Variants in PCDH15 observed in about 807,000 individuals in gnomAD.
The protein encoded by PCDH15 is protocadherin-15.
PCDH15 carries 129 observed loss-of-function variants against 178.5 expected under a neutral mutation model. That is an observed-to-expected ratio of 0.72 (90% CI 0.63 to 0.84). The LOEUF is 0.84. Among genes scored for constraint, PCDH15 ranks in the 40% least tolerant of loss-of-function variants. The pLI is 0.00. For missense variants in PCDH15, 2,230 were observed against 2,099.9 expected (o/e 1.06, Z -1.21); for synonymous variants, 800 against 732.0 (o/e 1.09, Z -1.50).
intron 3 of PCDH15, among the ~76,000 whole-genome samples, chr10:54,442,426 A>AT (rs2075863935): frequency 1.0e-5 from 1 of 99,752 alleles, no homozygotes; most frequent in Non-Finnish European, 1.9e-5. Context: ...ATATATATAT[A>AT]TATATATATA....
At chr10:55,552,109 T>C (rs1051037817) in intron 2 of PCDH15, among the ~76,000 whole-genome samples, 2 of 151,784 alleles carry the variant, frequency 1.3e-5, no homozygotes, top group Admixed American at 6.6e-5. Context: ...TCATACTGCG[T>C]AGTCAGACTT....
At chr10:54,471,671 A>G (rs528709013) in intron 3 of PCDH15, among the ~76,000 whole-genome samples, 1 of 151,824 alleles carries the variant, frequency 6.6e-6, no homozygotes, top group South Asian at 2.1e-4. Context: ...TTACTATAGA[A>G]TATAGTTTCC....
At chr10:54,281,762 TAATA>T (rs1265011288) in intron 8 of PCDH15, among the ~76,000 whole-genome samples, 2 of 152,008 alleles carry the variant, frequency 1.3e-5, no homozygotes, top group African/African-American at 4.8e-5. Flanking sequence ...TAAAAGAGAC[TAATA>T]AATATGAAAT....
intron 1 of PCDH15, among the ~76,000 whole-genome samples, chr10:54,779,392 C>CCA (rs1566220178): frequency 1.1e-5 from 1 of 94,992 alleles, no homozygotes; most frequent in East Asian, 3.8e-4. Context: ...GTCTCTCTCT[C>CCA]TCTATATATA....
intron 26 of PCDH15, among the ~76,000 whole-genome samples, chr10:53,901,832 A>C (rs1480342624): frequency 6.6e-6 from 1 of 152,178 alleles, no homozygotes; most frequent in Non-Finnish European, 1.5e-5. Flanking sequence ...TCCAAAAAGA[A>C]CTATCTTAAC....
At chr10:53,904,650 T>C (rs545733854) in intron 25 of PCDH15, among the ~76,000 whole-genome samples, 3 of 152,198 alleles carry the variant, frequency 2.0e-5, no homozygotes, top group South Asian at 2.1e-4. Context: ...AACAGCGAAA[T>C]AGGGCTAATA....
chr10:54,390,811 C>A (rs1453466376), intron 3 of PCDH15, among the ~76,000 whole-genome samples: 1 of 152,094 alleles, frequency 6.6e-6, no homozygotes, highest in Non-Finnish European at 1.5e-5. Flanking sequence ...GTGAGAGGGT[C>A]TATGTTCACT....
At chr10:53,813,445 A>C (rs547823304) in intron 35 of PCDH15, among the ~76,000 whole-genome samples, 1 of 152,328 alleles carries the variant, frequency 6.6e-6, no homozygotes, top group African/African-American at 2.4e-5. Flanking sequence ...ATTTAGACAA[A>C]CCCACGATGA....
At chr10:54,591,039 T>C (rs2091853950) in intron 2 of PCDH15, among the ~76,000 whole-genome samples, 1 of 152,150 alleles carries the variant, frequency 6.6e-6, no homozygotes, top group African/African-American at 2.4e-5. Context: ...TACTTATGCA[T>C]ATATACCCAC....
chr10:53,886,595 CTTTTTTTTTTTTT>C (rs36171553), intron 26 of PCDH15, among the ~76,000 whole-genome samples: 3 of 72,786 alleles, frequency 4.1e-5, no homozygotes, highest in African/African-American at 1.8e-4. Flanking sequence ...ATGTATGCCT[CTTTTTTTTTTTTT>C]TTTTTTTTTT....
intron 1 of PCDH15, among the ~76,000 whole-genome samples, chr10:55,184,590 A>G (rs1368774186): frequency 4.6e-5 from 7 of 151,992 alleles, no homozygotes; most frequent in African/African-American, 1.2e-4. Context: ...AAAGTGGAAG[A>G]AAAAGACAAA....
At chr10:54,241,828 C>T (rs186673252) in intron 8 of PCDH15, among the ~76,000 whole-genome samples, 52 of 149,388 alleles carry the variant, frequency 3.5e-4, no homozygotes, top group Admixed American at 2.2e-3. Flanking sequence ...TAAACAATAA[C>T]AAAAAAAGTC....
At chr10:54,565,778 TTTC>T (rs2088934467) in intron 2 of PCDH15, among the ~76,000 whole-genome samples, 1 of 152,150 alleles carries the variant, frequency 6.6e-6, no homozygotes, top group Non-Finnish European at 1.5e-5. Flanking sequence ...AACTATGAGA[TTTC>T]TTCTTCTTAA....
chr10:55,305,689 G>C (rs1843404175), intron 1 of PCDH15, among the ~76,000 whole-genome samples: 1 of 152,152 alleles, frequency 6.6e-6, no homozygotes, highest in Non-Finnish European at 1.5e-5. Flanking sequence ...TTCCCTTGCT[G>C]TCCAACACTG....
intron 21 of PCDH15, among the ~76,000 whole-genome samples, chr10:53,984,277 G>A (rs868507450): frequency 6.7e-6 from 1 of 149,580 alleles, no homozygotes; most frequent in Non-Finnish European, 1.5e-5. Flanking sequence ...AGCCTCCCAA[G>A]TAGCTGGGAC....
intron 3 of PCDH15, among the ~76,000 whole-genome samples, chr10:54,493,714 T>C (rs1188489784): frequency 4.6e-5 from 7 of 152,086 alleles, no homozygotes; most frequent in Non-Finnish European, 7.4e-5. Flanking sequence ...AAATACCATT[T>C]GACCCAGCCA....
intron 35 of PCDH15, among the ~76,000 whole-genome samples, chr10:53,813,974 A>ATTTAT (rs927512676): frequency 2.6e-5 from 4 of 152,200 alleles, no homozygotes; most frequent in African/African-American, 9.6e-5. Flanking sequence ...ACAAAAATAT[A>ATTTAT]TTTATTATAG....
At chr10:54,550,549 T>C (rs1394732714) in intron 2 of PCDH15, among the ~76,000 whole-genome samples, 1 of 152,084 alleles carries the variant, frequency 6.6e-6, no homozygotes, top group Non-Finnish European at 1.5e-5. Context: ...TTTGTTGTAT[T>C]TTTTTCTGGT....
At chr10:53,976,928 T>G (rs1431268728) in intron 21 of PCDH15, among the ~76,000 whole-genome samples, 1 of 151,412 alleles carries the variant, frequency 6.6e-6, no homozygotes, top group Non-Finnish European at 1.5e-5. Flanking sequence ...TGAAACTTAC[T>G]AGAGCACTGC....
Sources: allele counts gnomAD v4.1 joint callset (sites outside exome capture counted in the v4.1 genomes callset), GRCh38; gene constraint gnomAD v4.1.1; transcripts MANE v1.5; gene names NCBI Gene and HGNC (gene_info 2026-07-23, HGNC 2026-07-21).